The following ASIC2 variants were observed in gnomAD, a reference collection of about 807,000 sequenced individuals.
ASIC2 encodes acid sensing ion channel subunit 2, also known as acid-sensing ion channel 2.
A neutral mutation model predicts 57.3 loss-of-function variants in ASIC2; 25 were observed. The observed-to-expected ratio is 0.44, with a 90% CI of 0.32 to 0.61. ASIC2 has a LOEUF of 0.61. ASIC2 is among the 20% of genes least tolerant of loss of function. ASIC2 has a pLI of 0.06. For synonymous variants in ASIC2, 319 were observed against 307.5 expected (o/e 1.04, Z -0.39); for missense variants, 641 against 738.1 (o/e 0.87, Z 1.52).
At chr17:33,568,988 G>C (rs763373850) in intron 1 of ASIC2, among the ~76,000 whole-genome samples, 1 of 152,204 alleles carries the variant, frequency 6.6e-6, no homozygotes. Flanking sequence ...AAATTGATGA[G>C]TTTTGATTTA....
intron 1 of ASIC2, among the ~76,000 whole-genome samples, chr17:33,341,355 A>T (rs1907713693): frequency 6.6e-6 from 1 of 152,198 alleles, no homozygotes; most frequent in Non-Finnish European, 1.5e-5. Flanking sequence ...CACATAATTC[A>T]TCATCCAATC....
intron 1 of ASIC2, chr17:33,936,397 G>A (rs966686560): frequency 6.6e-6 from 1 of 152,186 alleles, no homozygotes; most frequent in Admixed American, 6.5e-5. Flanking sequence ...CAGCCCAGGC[G>A]AGGTGGTCTG....
intron 1 of ASIC2, among the ~76,000 whole-genome samples, chr17:33,539,594 A>C (rs896175307): frequency 6.6e-6 from 1 of 152,238 alleles, no homozygotes; most frequent in African/African-American, 2.4e-5. Flanking sequence ...ATCACCACAT[A>C]TACAGTACAG....
intron 1 of ASIC2, among the ~76,000 whole-genome samples, chr17:33,861,184 A>G (rs1206641907): frequency 2.6e-5 from 4 of 152,232 alleles, no homozygotes; most frequent in African/African-American, 7.2e-5. Context: ...AACAATCTCA[A>G]TGTTCAATAA....
intron 1 of ASIC2, among the ~76,000 whole-genome samples, chr17:33,454,837 A>G (rs1303292249): frequency 6.6e-6 from 1 of 152,220 alleles, no homozygotes; most frequent in African/African-American, 2.4e-5. Flanking sequence ...CAGAGGGGCA[A>G]AAGCAGGGCT....
rs1005335409 is a variant in ASIC2 at position 34,085,302 on chromosome 17, G to T, written c.555+70676C>A. Among the ~76,000 whole-genome samples, 20 of 152,240 alleles carry T rather than the reference G, an allele frequency of 1.3e-4. 1 individual carries two copies. Among genetic ancestry groups the T allele is most frequent in the Middle Eastern group, 3.4e-3 (1 of 294 alleles). ...CTGCATCTATTGAGATAATCATGTG[G>T]TTTTTGTCTTTGGTTCTGTTTATAT... On this transcript the variant is annotated intron_variant, in intron 1 of 9. Transcript: ENST00000359872.
intron 1 of ASIC2, among the ~76,000 whole-genome samples, chr17:34,128,043 T>C (rs926867750): frequency 5.9e-5 from 9 of 152,118 alleles, no homozygotes; most frequent in Admixed American, 3.9e-4. Flanking sequence ...ATAATGATGA[T>C]GATACCACAT....
At chr17:34,082,996 CTTGT>C (rs1001643303) in intron 1 of ASIC2, among the ~76,000 whole-genome samples, 1 of 150,778 alleles carries the variant, frequency 6.6e-6, no homozygotes, top group African/African-American at 2.5e-5. Flanking sequence ...TTTATTTGTT[CTTGT>C]TTTTTTTTCC....
chr17:33,680,574 T>C (rs1907970234), intron 1 of ASIC2: 1 of 152,176 alleles, frequency 6.6e-6, no homozygotes, highest in African/African-American at 2.4e-5. Context: ...CAAAGGATTT[T>C]CCTTTCCCCA....
intron 1 of ASIC2, among the ~76,000 whole-genome samples, chr17:33,947,245 C>G (rs1468299857): frequency 6.6e-6 from 1 of 152,132 alleles, no homozygotes; most frequent in Non-Finnish European, 1.5e-5. Context: ...CTGTGTCTCC[C>G]CTCCCTCTAG....
At chr17:33,646,699 C>T (rs184235464) in intron 1 of ASIC2, among the ~76,000 whole-genome samples, 6 of 152,314 alleles carry the variant, frequency 3.9e-5, no homozygotes, top group South Asian at 2.1e-4. Context: ...CCTTGACAAG[C>T]TGGGATGGGG....
chr17:33,866,677 C>A (rs865793758), intron 1 of ASIC2, among the ~76,000 whole-genome samples: 5 of 152,188 alleles, frequency 3.3e-5, no homozygotes, highest in Middle Eastern at 3.4e-3. Context: ...CTCCAGGTAC[C>A]AATCGTCCCA....
intron 1 of ASIC2, among the ~76,000 whole-genome samples, chr17:34,057,641 G>A (rs1908817770): frequency 6.6e-6 from 1 of 152,162 alleles, no homozygotes; most frequent in Non-Finnish European, 1.5e-5. Flanking sequence ...AACAGGAAGT[G>A]AGGAAGTAAG....
chr17:33,250,269 C>A (rs1379088286), intron 1 of ASIC2, among the ~76,000 whole-genome samples: 1 of 152,244 alleles, frequency 6.6e-6, no homozygotes, highest in Non-Finnish European at 1.5e-5. Flanking sequence ...ACATAACACT[C>A]ACCCAAAGGG....
intron 1 of ASIC2, among the ~76,000 whole-genome samples, chr17:33,528,167 G>GGTGGGTGTGTGTGTGTGTGTGTGT (rs1555541094): frequency 7.0e-6 from 1 of 143,406 alleles, no homozygotes; most frequent in Non-Finnish European, 1.5e-5. Context: ...GTATGTGGTA[G>GGTGGGTGTGTGTGTGTGTGTGTGT]GTGTGTGTGT....
intron 3 of ASIC2, among the ~76,000 whole-genome samples, chr17:33,071,721 A>C (rs2092070124): frequency 6.6e-6 from 1 of 152,202 alleles, no homozygotes; most frequent in Non-Finnish European, 1.5e-5. Context: ...TAAGTTACTT[A>C]GAAAGAGTTT....
chr17:33,298,301 A>G (rs1459782140), intron 1 of ASIC2, among the ~76,000 whole-genome samples: 1 of 151,824 alleles, frequency 6.6e-6, no homozygotes, highest in Non-Finnish European at 1.5e-5. Context: ...CCTGTGTCCA[A>G]GTGTTCTCAT....
chr17:33,514,481 G>T (rs1203508521), intron 1 of ASIC2, among the ~76,000 whole-genome samples: 1 of 152,196 alleles, frequency 6.6e-6, no homozygotes, highest in Non-Finnish European at 1.5e-5. Flanking sequence ...ACAGGCCAAA[G>T]GGGAGGGGAT....
At chr17:33,156,671 G>T (rs1018832662) in intron 1 of ASIC2, among the ~76,000 whole-genome samples, 7 of 151,934 alleles carry the variant, frequency 4.6e-5, no homozygotes, top group Non-Finnish European at 7.4e-5. Context: ...CAGGAGAATT[G>T]CTTGAATCCA....
Sources: allele counts gnomAD v4.1 joint callset (sites outside exome capture counted in the v4.1 genomes callset), GRCh38; gene constraint gnomAD v4.1.1; transcripts MANE v1.5; gene names NCBI Gene and HGNC (gene_info 2026-07-23, HGNC 2026-07-21).